RBFOX1: variants seen among roughly 807,000 people sequenced by gnomAD.
RBFOX1 encodes the protein RNA binding fox-1 homolog 1, also known as RNA binding protein fox-1 homolog 1.
A neutral mutation model predicts 57.7 loss-of-function variants in RBFOX1; 8 were observed. The ratio of observed to expected loss-of-function variants is 0.14; its 90% CI spans 0.08 to 0.25. RBFOX1 has a LOEUF of 0.25. RBFOX1 is among the 10% of genes least tolerant of loss of function. The pLI is 1.00. For synonymous variants in RBFOX1, 326 were observed against 222.4 expected (o/e 1.47, Z -4.15); for missense variants, 611 against 548.5 (o/e 1.11, Z -1.14).
intron 1 of RBFOX1, among the ~76,000 whole-genome samples, chr16:6,293,835 C>G (rs1194385574): frequency 9.2e-6 from 1 of 109,238 alleles, no homozygotes; most frequent in Non-Finnish European, 2.1e-5. Context: ...CTCAAATACA[C>G]TCTCTTCATA....
chr16:7,318,572 A>G (rs937305559), intron 4 of RBFOX1, among the ~76,000 whole-genome samples: 1 of 152,184 alleles, frequency 6.6e-6, no homozygotes, highest in Non-Finnish European at 1.5e-5. Context: ...CATTATGAAG[A>G]CTAAATTATT....
chr16:6,762,002 C>T (rs771871343), intron 3 of RBFOX1, among the ~76,000 whole-genome samples: 3 of 152,074 alleles, frequency 2.0e-5, no homozygotes, highest in African/African-American at 4.8e-5. Flanking sequence ...CGCTCAAGCT[C>T]GACAACTCTA....
At chr16:7,185,825 T>G (rs1371148964) in intron 4 of RBFOX1, among the ~76,000 whole-genome samples, 1 of 152,184 alleles carries the variant, frequency 6.6e-6, no homozygotes, top group Non-Finnish European at 1.5e-5. Context: ...TCTCAGGTAC[T>G]TGATGAACAA....
At chr16:7,689,288 C>T (rs899141262) in intron 14 of RBFOX1, among the ~76,000 whole-genome samples, 1 of 152,082 alleles carries the variant, frequency 6.6e-6, no homozygotes, top group Admixed American at 6.6e-5. Flanking sequence ...TCCTCTTCTC[C>T]ACCCCCAACC....
At chr16:7,496,780 C>T (rs1163880952) in intron 4 of RBFOX1, among the ~76,000 whole-genome samples, 2 of 143,142 alleles carry the variant, frequency 1.4e-5, no homozygotes, top group Admixed American at 7.1e-5. Flanking sequence ...TGTGTAATTG[C>T]TCCAAATTGT....
chr16:7,083,580 A>G (rs936792752), intron 4 of RBFOX1, among the ~76,000 whole-genome samples: 5 of 152,160 alleles, frequency 3.3e-5, no homozygotes, highest in African/African-American at 1.2e-4. Context: ...CAGAGCTTGT[A>G]AGAGAACTCA....
chr16:5,894,431 A>G (rs1049914626), intron 4 of RBFOX1, among the ~76,000 whole-genome samples: 3 of 151,876 alleles, frequency 2.0e-5, no homozygotes, highest in African/African-American at 7.3e-5. Flanking sequence ...GTACCACTAC[A>G]CCTGGCTAAT....
chr16:6,066,831 G>A (rs2095770592), intron 1 of RBFOX1, among the ~76,000 whole-genome samples: 1 of 152,152 alleles, frequency 6.6e-6, no homozygotes, highest in African/African-American at 2.4e-5. Context: ...CCACTCAGAG[G>A]TAGAGACATG....
intron 4 of RBFOX1, among the ~76,000 whole-genome samples, chr16:7,104,410 T>C (rs2151428569): frequency 6.6e-6 from 1 of 152,250 alleles, no homozygotes; most frequent in East Asian, 1.9e-4. Context: ...GCCCCTCTGA[T>C]TAAAACAGAC....
At chr16:7,266,123 C>T (rs575201760) in intron 4 of RBFOX1, among the ~76,000 whole-genome samples, 65 of 151,908 alleles carry the variant, frequency 4.3e-4, no homozygotes, top group Middle Eastern at 3.4e-3. Context: ...TACAGGCGCT[C>T]GCCAATACAC....
intron 3 of RBFOX1, among the ~76,000 whole-genome samples, chr16:7,033,691 T>C (rs1023364458): frequency 2.0e-5 from 3 of 152,096 alleles, no homozygotes; most frequent in Admixed American, 2.0e-4. Context: ...GGTTCCCTAT[T>C]GAACAGTAGA....
At chr16:7,169,308 A>G (rs531193660) in intron 4 of RBFOX1, among the ~76,000 whole-genome samples, 5 of 152,348 alleles carry the variant, frequency 3.3e-5, no homozygotes, top group South Asian at 2.1e-4. Flanking sequence ...GCCATTTACT[A>G]AAAGCTTTGC....
At chr16:7,469,353 C>T (rs2061133333) in intron 4 of RBFOX1, among the ~76,000 whole-genome samples, 1 of 152,094 alleles carries the variant, frequency 6.6e-6, no homozygotes, top group South Asian at 2.1e-4. Context: ...TGAGCCACCG[C>T]ACCTGGCCCC....
At chr16:5,333,527 C>T (rs774770096) in intron 1 of RBFOX1, among the ~76,000 whole-genome samples, 2 of 152,186 alleles carry the variant, frequency 1.3e-5, no homozygotes, top group African/African-American at 2.4e-5. Flanking sequence ...TCTCTCCTTC[C>T]CTGTGGTTTG....
At chr16:6,688,006 A>T (rs1327028982) in intron 3 of RBFOX1, among the ~76,000 whole-genome samples, 1 of 152,250 alleles carries the variant, frequency 6.6e-6, no homozygotes, top group African/African-American at 2.4e-5. Flanking sequence ...TTCTATGCCA[A>T]GCACTGTGCT....
intron 2 of RBFOX1, among the ~76,000 whole-genome samples, chr16:6,631,210 G>C (rs1212450270): frequency 6.6e-6 from 1 of 152,068 alleles, no homozygotes; most frequent in Non-Finnish European, 1.5e-5. Flanking sequence ...GAAAGAACTG[G>C]AGGTTAAGTG....
chr16:5,836,784 C>G (rs1169872768), intron 3 of RBFOX1, among the ~76,000 whole-genome samples: 1 of 152,190 alleles, frequency 6.6e-6, no homozygotes, highest in African/African-American at 2.4e-5. Context: ...CTACAAATGT[C>G]TCCTGACATT....
At chr16:6,045,409 C>T (rs1018219216) in intron 1 of RBFOX1, among the ~76,000 whole-genome samples, 2 of 152,090 alleles carry the variant, frequency 1.3e-5, no homozygotes, top group Admixed American at 6.6e-5. Context: ...TTTGGATGAT[C>T]GAATTACAGA....
intron 1 of RBFOX1, among the ~76,000 whole-genome samples, chr16:5,458,381 G>A (rs1245661983): frequency 6.6e-6 from 1 of 152,132 alleles, no homozygotes; most frequent in Admixed American, 6.5e-5. Flanking sequence ...TGGTGTAGCC[G>A]GGAGGGCACC....
Sources: gnomAD v4.1 joint callset for allele counts (sites outside exome capture counted in the v4.1 genomes callset) on GRCh38, gnomAD v4.1.1 for gene constraint, MANE v1.5 for transcripts, NCBI Gene and HGNC (gene_info 2026-07-23, HGNC 2026-07-21) for gene names.